The following DARS2 variants were observed in gnomAD, a reference collection of about 807,000 sequenced individuals.
DARS2 encodes aspartate--tRNA ligase, mitochondrial.
DARS2 carries 63 observed loss-of-function variants against 83.0 expected under a neutral mutation model. The ratio of observed to expected loss-of-function variants is 0.76; its 90% confidence interval spans 0.62 to 0.94. The LOEUF is 0.94. Ranked by LOEUF, DARS2 falls within the 40% of genes least tolerant of loss-of-function variation. The pLI is 0.00. For synonymous variants in DARS2, 250 were observed against 269.3 expected, an observed-to-expected ratio of 0.93 and a Z score of 0.70; for missense variants, 675 against 774.4, an observed-to-expected ratio of 0.87 and a Z score of 1.52.
chr1:173,850,362 C>A lies in DARS2; in HGVS notation c.1227C>A (p.Asn409Lys), dbSNP rs1350945198. The change falls in exon 13 of 17, where the codon AAC (asparagine) becomes AAA (lysine). Residue 409 changes from asparagine to lysine, a missense_variant. Physicochemically the swap from Asn to Lys is moderately conservative, Grantham distance 94. Transcript: ENST00000649689. ...ILPVFLNANR[N>K]WNSPVANFIM... Reference sequence around the variant, plus strand: ...CTGTATTCCTTAACGCCAATAGAAACTGGAATTCTCCAGTTGCTAATTTCA... The same window carrying A: ...CTGTATTCCTTAACGCCAATAGAAAATGGAATTCTCCAGTTGCTAATTTCA... The A allele has an allele frequency of 6.2e-7, 1 of 1,607,542 alleles. No individual in the cohort carries two copies.
chr1:173,852,281 C>T (rs1653701426), intron 13 of DARS2: 1 of 983,180 alleles, frequency 1.0e-6, no homozygotes. Context: ...TTATTAAGCA[C>T]TTAGTATTTG....
At chr1:173,840,182 T>G (rs1283033275) in intron 10 of DARS2, among the ~76,000 whole-genome samples, 1 of 152,208 alleles carries the variant, frequency 6.6e-6, no homozygotes, top group East Asian at 1.9e-4. Flanking sequence ...ACTACCAACT[T>G]ACAGCTGCCA....
intron 2 of DARS2, 105 bp from the exon 3 acceptor site, chr1:173,828,228 T>C (rs1218011554): frequency 8.9e-7 from 1 of 1,122,658 alleles, no homozygotes; most frequent in Non-Finnish European, 1.3e-6. Context: ...AAAAGAAACA[T>C]GAAAAATTGC....
rs188894075 is a variant in DARS2, at chr1:173,852,010, T to G, written c.1345-1339T>G. The G allele has an allele frequency of 1.5e-5, 15 of 985,328 alleles. No homozygotes were observed. The African/African-American group carries it at 2.3e-4, about 15-fold the overall frequency. The allele number at this position is 985,328 out of a possible 1,614,324, so 61.0% of individuals were successfully genotyped here. On this transcript the variant is annotated intron_variant, in intron 13 of 16. Coordinates refer to ENST00000649689, the MANE Select transcript of DARS2 (RefSeq NM_018122.5). ...TTGGCTATTAAACCTTCTCTTGGTA[T>G]GAACTAAACATGCTGGTGTTTCATT...
chr1:173,847,813 C>G (rs1364889202), intron 12 of DARS2, among the ~76,000 whole-genome samples: 1 of 145,020 alleles, frequency 6.9e-6, no homozygotes, highest in Non-Finnish European at 1.5e-5. Context: ...CCTAGTTACT[C>G]TGTACCTTCT....
At chr1:173,851,725 A>G in intron 13 of DARS2, 1 of 467,270 alleles carries the variant, frequency 2.1e-6, no homozygotes, top group East Asian at 1.6e-4. Flanking sequence ...ATATAAATTT[A>G]TTTTTTCACT....
intron 3 of DARS2, 119 bp from the exon 4 acceptor site, chr1:173,830,541 C>G: frequency 1.2e-6 from 1 of 835,396 alleles, no homozygotes; most frequent in African/African-American, 1.7e-5. Context: ...GGAGCAGCCC[C>G]AGCCTTTATG....
chr1:173,848,029 A>G (rs999803677), intron 12 of DARS2, among the ~76,000 whole-genome samples: 2 of 151,046 alleles, frequency 1.3e-5, no homozygotes, highest in African/African-American at 4.9e-5. Context: ...ATTTTTTTGT[A>G]TTTTTACTAG....
intron 5 of DARS2, among the ~76,000 whole-genome samples, chr1:173,832,304 A>C (rs767445682): frequency 6.6e-6 from 1 of 152,210 alleles, no homozygotes; most frequent in Non-Finnish European, 1.5e-5. Flanking sequence ...TCTTACATTT[A>C]AGTTCTCAAT....
intron 7 of DARS2, among the ~76,000 whole-genome samples, chr1:173,836,236 T>A (rs1488882092): frequency 6.6e-6 from 1 of 151,298 alleles, no homozygotes; most frequent in African/African-American, 2.4e-5. Flanking sequence ...AAATTTTTTT[T>A]AATAAATAAA....
Position 173,839,366 on chromosome 1 carries a change from G to T in DARS2, c.841-1G>T. ...GTTTCCATATGGTACTTTGGTTTCA[G>T]ATTGACATAGAGATGTCATTTGTAG... On this transcript the variant is annotated splice_acceptor_variant, in intron 9 of 16. Transcript: ENST00000649689. LOFTEE classifies it high-confidence loss of function. The T allele has an allele frequency of 6.2e-7, 1 of 1,613,780 alleles. No homozygotes were observed. Among genetic ancestry groups the T allele is most frequent in the African/African-American group, 1.3e-5 (1 of 75,038 alleles).
chr1:173,853,721 T>G, intron 14 of DARS2, 74 bp from the exon 15 acceptor site: 1 of 1,519,164 alleles, frequency 6.6e-7, no homozygotes, highest in South Asian at 1.1e-5. Context: ...TCTTTAAAAA[T>G]CTACAGGGTC....
intron 5 of DARS2, 125 bp from the exon 6 acceptor site, chr1:173,833,251 T>G: frequency 1.3e-6 from 1 of 763,286 alleles, no homozygotes; most frequent in Non-Finnish European, 2.0e-6. Flanking sequence ...CAGCATACAG[T>G]GGGCTACTTA....
At chr1:173,857,418 ATTCTTATTT>A in intron 16 of DARS2, 91 bp from the exon 17 acceptor site, 2 of 1,228,364 alleles carry the variant, frequency 1.6e-6, no homozygotes. Context: ...TTTGTTAAAG[ATTCTTATTT>A]AAAAGTTTTC....
chr1:173,848,123 G>C (rs1308243795), intron 12 of DARS2, among the ~76,000 whole-genome samples: 1 of 152,146 alleles, frequency 6.6e-6, no homozygotes, highest in East Asian at 1.9e-4. Context: ...AAAGTGGTGG[G>C]ATTACAGGCG....
At chr1:173,834,939 C>T (rs1265643702) in intron 7 of DARS2, among the ~76,000 whole-genome samples, 6 of 150,446 alleles carry the variant, frequency 4.0e-5, no homozygotes, top group East Asian at 1.9e-4. Flanking sequence ...CCACCATGCC[C>T]GGCTAACTTT....
Position 173,824,896 on chromosome 1 carries a change from C to T in DARS2, c.-334C>T. The T allele has an allele frequency of 8.5e-6, 3 of 354,678 alleles. No individual in the cohort carries two copies. The highest frequency in any genetic ancestry group is 4.4e-5 in the South Asian group (2 of 45,112). The allele number at this position is 354,678 out of a possible 1,614,324, so 22.0% of individuals were successfully genotyped here. On this transcript the variant is annotated 5_prime_UTR_variant, in exon 1 of 17. Transcript: ENST00000649689. The stretch of plus-strand genomic sequence containing the variant: ...ATACCTTGTGACCGCCTCTGGTTGT[C>T]TTGGGCTCGCGCCTGGCGCCGCTAC...
intron 10 of DARS2, 57 bp downstream of exon 10, chr1:173,839,603 A>C: frequency 6.5e-7 from 1 of 1,527,662 alleles, no homozygotes; most frequent in Non-Finnish European, 9.1e-7. Flanking sequence ...AGTCTTTTTA[A>C]ACCACTTTGA....
intron 5 of DARS2, among the ~76,000 whole-genome samples, chr1:173,832,316 C>T (rs773110287): frequency 3.4e-4 from 52 of 152,112 alleles, no homozygotes; most frequent in Non-Finnish European, 7.1e-4. Flanking sequence ...GTTCTCAATA[C>T]TTAATTATCT....
Sources: allele counts gnomAD v4.1 joint callset (sites outside exome capture counted in the v4.1 genomes callset), GRCh38; gene constraint gnomAD v4.1.1; transcripts MANE v1.5; gene names NCBI Gene and HGNC (gene_info 2026-07-23, HGNC 2026-07-21).